The following RBFOX1 variants were observed in gnomAD, a reference collection of about 807,000 sequenced individuals.
The protein encoded by RBFOX1 is RNA binding protein fox-1 homolog 1.
A neutral mutation model predicts 57.7 loss-of-function variants in RBFOX1; 8 were observed. The ratio of observed to expected loss-of-function variants is 0.14; its 90% CI spans 0.08 to 0.25. The LOEUF is 0.25. Among genes scored for constraint, RBFOX1 ranks in the 10% least tolerant of loss-of-function variants. RBFOX1 has a pLI of 1.00. For missense variants in RBFOX1, 611 were observed against 548.5 expected (o/e 1.11, Z -1.14); for synonymous variants, 326 against 222.4 (o/e 1.47, Z -4.15).
At chr16:6,563,668 A>T (rs1485365626) in intron 2 of RBFOX1, among the ~76,000 whole-genome samples, 1 of 151,990 alleles carries the variant, frequency 6.6e-6, no homozygotes, top group Non-Finnish European at 1.5e-5. Context: ...ACGTGGCAAA[A>T]GCTCATCTCT....
intron 1 of RBFOX1, among the ~76,000 whole-genome samples, chr16:6,220,536 T>C (rs1308938703): frequency 6.6e-6 from 1 of 152,228 alleles, no homozygotes; most frequent in Non-Finnish European, 1.5e-5. Context: ...GTATCATTAA[T>C]ATCTCTCAGT....
intron 2 of RBFOX1, among the ~76,000 whole-genome samples, chr16:6,644,684 G>A (rs1206121980): frequency 6.6e-6 from 1 of 152,144 alleles, no homozygotes; most frequent in Non-Finnish European, 1.5e-5. Context: ...CTCTTCCAGA[G>A]TGAATGACTG....
At chr16:7,546,014 T>TAAAA (rs71150312) in intron 5 of RBFOX1, among the ~76,000 whole-genome samples, 1 of 134,134 alleles carries the variant, frequency 7.5e-6, no homozygotes, top group Non-Finnish European at 1.6e-5. Flanking sequence ...TCTGAGCTTA[T>TAAAA]AAAAAAAAAA....
At chr16:6,537,531 C>T (rs1402637485) in intron 2 of RBFOX1, among the ~76,000 whole-genome samples, 1 of 152,180 alleles carries the variant, frequency 6.6e-6, no homozygotes, top group Admixed American at 6.5e-5. Context: ...GATCGAGTTG[C>T]TGAGCTAACA....
intron 5 of RBFOX1, among the ~76,000 whole-genome samples, chr16:7,529,229 C>T (rs7189484): frequency 0.032 from 4,820 of 152,242 alleles, 219 homozygotes; most frequent in African/African-American, 0.11. Flanking sequence ...CCACCACACT[C>T]CACCCTGAGT....
chr16:7,484,427 T>C (rs1446730375), intron 4 of RBFOX1, among the ~76,000 whole-genome samples: 1 of 152,192 alleles, frequency 6.6e-6, no homozygotes, highest in Non-Finnish European at 1.5e-5. Flanking sequence ...CCAAAGTGGC[T>C]GTGCCATTTT....
intron 4 of RBFOX1, among the ~76,000 whole-genome samples, chr16:7,323,840 G>A (rs148641658): frequency 0.01 from 1,525 of 152,298 alleles, 15 homozygotes; most frequent in Middle Eastern, 0.044. Flanking sequence ...CAAAAGCCTA[G>A]CACAGGTCTG....
intron 4 of RBFOX1, among the ~76,000 whole-genome samples, chr16:5,968,617 C>G (rs955320180): frequency 6.6e-6 from 1 of 152,022 alleles, no homozygotes; most frequent in East Asian, 1.9e-4. Context: ...TGCCAAGATG[C>G]CTGAAGATTT....
At chr16:7,298,717 C>G (rs1017430208) in intron 4 of RBFOX1, among the ~76,000 whole-genome samples, 1 of 152,136 alleles carries the variant, frequency 6.6e-6, no homozygotes, top group Admixed American at 6.6e-5. Context: ...CTACAATAAA[C>G]TAAGCTAGGG....
intron 5 of RBFOX1, among the ~76,000 whole-genome samples, chr16:7,548,265 G>A (rs1452436382): frequency 6.6e-6 from 1 of 152,066 alleles, no homozygotes; most frequent in African/African-American, 2.4e-5. Context: ...TCTGACTCCT[G>A]GGTTCACGTG....
intron 2 of RBFOX1, among the ~76,000 whole-genome samples, chr16:6,470,297 T>C (rs2095144736): frequency 6.6e-6 from 1 of 152,194 alleles, no homozygotes; most frequent in Admixed American, 6.5e-5. Context: ...CAGTTTGTTA[T>C]TGCTGGAATT....
rs1027542081 is a variant in RBFOX1 at position 6,678,065 on chromosome 16, A to T, written c.-16+23415A>T. Among the ~76,000 whole-genome samples, 4 of 152,342 alleles carry T rather than the reference A, an allele frequency of 2.6e-5. 1 individual carries two copies. The Middle Eastern group carries it at 0.01, about 389-fold the overall frequency. On this transcript the variant is annotated intron_variant, in intron 3 of 15. Coordinates refer to ENST00000550418, the MANE Select transcript of RBFOX1 (RefSeq NM_018723.4). ...GAAATTAATTTTCCTCATATAATCTATTCATCCTATATAGCCAAAGTATTC... is the reference window on the plus strand; with the variant it reads ...GAAATTAATTTTCCTCATATAATCTTTTCATCCTATATAGCCAAAGTATTC...
intron 3 of RBFOX1, among the ~76,000 whole-genome samples, chr16:6,816,051 G>A (rs1006696752): frequency 1.4e-4 from 22 of 152,264 alleles, no homozygotes; most frequent in East Asian, 5.8e-4. Context: ...TGGCTCATGC[G>A]TGTCCCAGCA....
chr16:5,989,880 A>ACACACACACACACACC (rs33912010), intron 4 of RBFOX1, among the ~76,000 whole-genome samples: 4,599 of 127,212 alleles, frequency 0.036, 231 homozygotes, highest in East Asian at 0.056. Flanking sequence ...ACACACACAC[A>ACACACACACACACACC]CCACCCCTGT....
chr16:5,965,449 A>C (rs2059824559), intron 4 of RBFOX1, among the ~76,000 whole-genome samples: 1 of 152,178 alleles, frequency 6.6e-6, no homozygotes, highest in East Asian at 1.9e-4. Flanking sequence ...ATACCTCCAC[A>C]AAGCTAGGGG....
At chr16:5,672,391 C>G (rs1260690455) in intron 3 of RBFOX1, among the ~76,000 whole-genome samples, 6 of 152,140 alleles carry the variant, frequency 3.9e-5, no homozygotes, top group Non-Finnish European at 5.9e-5. Flanking sequence ...TTCTGCACCT[C>G]TTCAGTGCCC....
chr16:6,946,871 A>G (rs193093663), intron 3 of RBFOX1, among the ~76,000 whole-genome samples: 1 of 152,262 alleles, frequency 6.6e-6, no homozygotes, highest in African/African-American at 2.4e-5. Flanking sequence ...GGCCTCCCCA[A>G]GTGCTGGGAT....
chr16:7,670,456 A>G (rs992964536), intron 13 of RBFOX1, among the ~76,000 whole-genome samples: 5 of 152,356 alleles, frequency 3.3e-5, no homozygotes, highest in Admixed American at 3.3e-4. Flanking sequence ...CCACAAACTC[A>G]AGTCATTGCG....
chr16:7,469,768 A>G (rs951404342), intron 4 of RBFOX1, among the ~76,000 whole-genome samples: 4 of 152,172 alleles, frequency 2.6e-5, no homozygotes, highest in African/African-American at 4.8e-5. Flanking sequence ...TTGTGCAATT[A>G]CTACCATTGA....
Sources: allele counts gnomAD v4.1 joint callset (sites outside exome capture counted in the v4.1 genomes callset), GRCh38; gene constraint gnomAD v4.1.1; transcripts MANE v1.5; gene names NCBI Gene and HGNC (gene_info 2026-07-23, HGNC 2026-07-21).